The following AGAP1 variants were observed in gnomAD, a reference collection of about 807,000 sequenced individuals.
The protein encoded by AGAP1 is arf-GAP with GTPase, ANK repeat and PH domain-containing protein 1.
In AGAP1, 29 loss-of-function variants were observed where a neutral mutation model predicts 105.3. That is an observed-to-expected ratio of 0.28 (90% confidence interval 0.21 to 0.38). The LOEUF (loss-of-function observed/expected upper bound fraction) is 0.38, where lower values mean the gene tolerates loss of function less well. Among genes scored for constraint, AGAP1 ranks in the 10% least tolerant of loss-of-function variants. AGAP1 has a pLI of 1.00. For missense variants in AGAP1, 998 were observed against 1,165.1 expected, an observed-to-expected ratio of 0.86 and a Z score of 2.09; for synonymous variants, 509 against 485.9, an observed-to-expected ratio of 1.05 and a Z score of -0.63.
chr2:235,602,891 G>T (rs1243558976), intron 1 of AGAP1, among the ~76,000 whole-genome samples: 1 of 152,068 alleles, frequency 6.6e-6, no homozygotes, highest in South Asian at 2.1e-4. Context: ...TAGTAGAGAA[G>T]GGGTTTTACC....
intron 6 of AGAP1, chr2:235,774,166 C>T: frequency 5.3e-6 from 2 of 378,976 alleles, no homozygotes; most frequent in South Asian, 2.1e-5. Context: ...AAATAAATGC[C>T]CTTATTCTTG....
rs75190748 is a variant in AGAP1 at position 235,831,430 on chromosome 2, A to G, written c.1050+24099A>G. 8.0e-3 allele frequency among the ~76,000 whole-genome samples: 1,215 copies of G among 152,282 alleles called. 20 individuals carry two copies. The highest frequency in any genetic ancestry group is 0.027 in the African/African-American group (1,117 of 41,556). Reference sequence around the variant, plus strand: ...ATCCACCACTGCGGTGTATAGGATCATAAGAAACAGTTTCACTGCCCTAAA... The same window carrying G: ...ATCCACCACTGCGGTGTATAGGATCGTAAGAAACAGTTTCACTGCCCTAAA... On this transcript the variant is annotated intron_variant, in intron 9 of 17. Coordinates refer to ENST00000304032, the MANE Select transcript of AGAP1 (RefSeq NM_001037131.3).
chr2:235,945,540 C>T (rs2053455990), intron 12 of AGAP1, among the ~76,000 whole-genome samples: 2 of 152,064 alleles, frequency 1.3e-5, no homozygotes. Flanking sequence ...GGTTAACTAC[C>T]ATTTCTCTTT....
intron 1 of AGAP1, among the ~76,000 whole-genome samples, chr2:235,540,544 A>G (rs944573421): frequency 1.3e-5 from 2 of 152,238 alleles, no homozygotes; most frequent in African/African-American, 2.4e-5. Context: ...GAGATGCAAA[A>G]TAAATGATGA....
intron 9 of AGAP1, among the ~76,000 whole-genome samples, chr2:235,857,517 G>C (rs544086896): frequency 2.6e-5 from 4 of 152,162 alleles, no homozygotes; most frequent in African/African-American, 9.7e-5. Flanking sequence ...GTGCATGTCC[G>C]TTGAGCAGCT....
chr2:235,795,339 C>T lies in AGAP1; in HGVS notation c.674-2420C>T, dbSNP rs138627055. The stretch of plus-strand genomic sequence containing the variant: ...CCCTGGGACATCAAGCAAATAGCAG[C>T]AACAGCCGTTGGCAAATTTGTGGCT... On this transcript the variant is annotated intron_variant, in intron 6 of 17. Transcript: ENST00000304032. 4.5e-4 allele frequency among the ~76,000 whole-genome samples: 68 copies of T among 152,324 alleles called. 2 individuals carry two copies. The highest frequency in any genetic ancestry group is 8.5e-4 in the Admixed American group (13 of 15,306).
Position 235,960,812 on chromosome 2 carries a change from A to G in AGAP1, c.1484-7650A>G, listed in dbSNP as rs570178085. The stretch of plus-strand genomic sequence containing the variant: ...AGGGAGATGCTTTCTCTGTGTCAAT[A>G]GACTTCACTCATGGACTCAGTCGTT... On this transcript the variant is annotated intron_variant, in intron 12 of 17. Coordinates refer to ENST00000304032, the MANE Select transcript of AGAP1 (RefSeq NM_001037131.3). The surrounding 1 kb of genome is among the most constrained non-coding windows in gnomAD (Gnocchi z 4.9). Among the ~76,000 whole-genome samples, 1 of 152,306 alleles carries G rather than the reference A, an allele frequency of 6.6e-6. No individual in the cohort carries two copies. The highest frequency in any genetic ancestry group is 2.4e-5 in the African/African-American group (1 of 41,560).
Position 235,709,214 on chromosome 2 carries a change from C to T in AGAP1, c.199C>T (p.Arg67Ter), listed in dbSNP as rs1474166687. 11 of 1,614,002 alleles carry T rather than the reference C, an allele frequency of 6.8e-6. No homozygotes were observed. The highest frequency in any genetic ancestry group is 2.2e-5 in the East Asian group (1 of 44,878). Residue 67 changes from arginine to a stop codon, truncating the protein, a stop_gained, in exon 2 of 18, where the codon CGA becomes TGA. Transcript: ENST00000304032. LOFTEE classifies it high-confidence loss of function. ...GAACAGCCAGGAATGGACGCTGAGT[C>T]GATCTGTCCCGGAGCTCAAAGTGGT... ...FVNSQEWTLS[R>*]SVPELKVGIV...
rs1014982872 is a variant in AGAP1, at chr2:235,992,906, C to T, written c.1645+24283C>T. On this transcript the variant is annotated intron_variant, in intron 13 of 17. Transcript: ENST00000304032. The surrounding 1 kb of genome is among the most constrained non-coding windows in gnomAD (Gnocchi z 4.8). ...CCGTCGTGAACCATGGACGTCTCTC[C>T]TTGACCTCCTCCCTACCTGGGAGAA... is the stretch of plus-strand genomic sequence containing the variant. Among the ~76,000 whole-genome samples, 2 of 152,148 alleles carry T rather than the reference C, an allele frequency of 1.3e-5. No individual in the cohort carries two copies. Among genetic ancestry groups the T allele is most frequent in the African/African-American group, 2.4e-5 (1 of 41,448 alleles).
At chr2:235,506,942 G>A (rs934090396) in intron 1 of AGAP1, 3 of 152,762 alleles carry the variant, frequency 2.0e-5, no homozygotes, top group African/African-American at 7.2e-5. Context: ...GTACATTATC[G>A]TCTCTCACAG....
chr2:235,895,030 TG>T (rs1447646382), intron 10 of AGAP1, among the ~76,000 whole-genome samples: 1 of 152,194 alleles, frequency 6.6e-6, no homozygotes, highest in Non-Finnish European at 1.5e-5. Flanking sequence ...CTCTTCCTCC[TG>T]GGAATTCATC....
chr2:235,580,332 C>T (rs917855755), intron 1 of AGAP1, among the ~76,000 whole-genome samples: 2 of 152,076 alleles, frequency 1.3e-5, no homozygotes, highest in Non-Finnish European at 2.9e-5. Flanking sequence ...CTGTTCTCCC[C>T]ATCATTAGTG....
intron 1 of AGAP1, among the ~76,000 whole-genome samples, chr2:235,502,089 C>T (rs970202944): frequency 6.6e-6 from 1 of 151,992 alleles, no homozygotes; most frequent in Admixed American, 6.6e-5. Context: ...TTTGGGGGTC[C>T]CTTTTCATAG....
Position 235,660,669 on chromosome 2 carries a change from G to C in AGAP1, c.164-48510G>C, listed in dbSNP as rs528409420. On this transcript the variant is annotated intron_variant, in intron 1 of 17. Coordinates refer to ENST00000304032, the MANE Select transcript of AGAP1 (RefSeq NM_001037131.3). This position sits in a 1 kb window ranked among gnomAD's most constrained non-coding sequence, Gnocchi z 5.3. ...TGATCCCAGCAGGAGATAGTGGCGA[G>C]ACTGGGTATGGTGTGGTTGGGAACT... 6.6e-6 allele frequency among the ~76,000 whole-genome samples: 1 copy of C among 152,278 alleles called. No individual in the cohort carries two copies. The highest frequency in any genetic ancestry group is 1.9e-4 in the East Asian group (1 of 5,160).
chr2:235,895,497 A>G (rs772286434), intron 10 of AGAP1, among the ~76,000 whole-genome samples: 11 of 152,106 alleles, frequency 7.2e-5, no homozygotes, highest in Admixed American at 2.0e-4. Flanking sequence ...TTGCCTCACT[A>G]ACTCCTCTTT....
intron 1 of AGAP1, among the ~76,000 whole-genome samples, chr2:235,515,191 G>A (rs1455522708): frequency 1.3e-5 from 2 of 152,142 alleles, no homozygotes; most frequent in Non-Finnish European, 2.9e-5. Context: ...ATCCCATTCT[G>A]GCTGACTCAA....
chr2:235,686,644 TAGA>T lies in AGAP1; in HGVS notation c.164-22534_164-22532del, dbSNP rs1559350882. ...AGATATATATATATATATATATATA[TAGA>T]TATATATATATATATATATTTTTTT... On this transcript the variant is annotated intron_variant, in intron 1 of 17. Coordinates refer to ENST00000304032, the MANE Select transcript of AGAP1 (RefSeq NM_001037131.3). 1.9e-3 allele frequency among the ~76,000 whole-genome samples: 101 copies of T among 51,810 alleles called. 2 individuals are homozygous for T. Among genetic ancestry groups the T allele is most frequent in the African/African-American group, 7.7e-3 (88 of 11,484 alleles). 34.0% of individuals were successfully genotyped at this position (51,810 alleles called of 152,430 possible). A position where few individuals can be genotyped will look rare whatever the true frequency, so the allele number is the denominator to read the frequency against.
At chr2:235,684,634 C>T (rs1949282506) in intron 1 of AGAP1, among the ~76,000 whole-genome samples, 1 of 152,100 alleles carries the variant, frequency 6.6e-6, no homozygotes, top group Admixed American at 6.5e-5. Flanking sequence ...GAGTGTGGAT[C>T]CATACACACT....
At chr2:235,632,999 A>G (rs947590634) in intron 1 of AGAP1, among the ~76,000 whole-genome samples, 6 of 151,800 alleles carry the variant, frequency 4.0e-5, no homozygotes, top group African/African-American at 1.2e-4. Context: ...CTTCCAAACC[A>G]GAAGCCCGTG....
Sources: gnomAD v4.1 joint callset for allele counts (sites outside exome capture counted in the v4.1 genomes callset) on GRCh38, gnomAD v4.1.1 for gene constraint, Gnocchi (gnomAD v3.1) non-coding constraint, MANE v1.5 for transcripts, NCBI Gene and HGNC (gene_info 2026-07-23, HGNC 2026-07-21) for gene names.